Variants in TMPO observed in about 807,000 individuals in gnomAD.
TMPO encodes the protein LEM domain containing 4.
Under a neutral mutation model 45.4 loss-of-function variants are expected in TMPO, and 22 were observed. That is an observed-to-expected ratio of 0.48 (90% CI 0.35 to 0.69). TMPO has a LOEUF of 0.69. TMPO is among the 30% of genes least tolerant of loss of function. The probability of loss-of-function intolerance (pLI) is 0.01; values close to 1 mark genes in which losing one functional copy is unlikely to be tolerated. For missense variants in TMPO, 512 were observed against 548.8 expected, an observed-to-expected ratio of 0.93 and a Z score of 0.67; for synonymous variants, 241 against 204.1, an observed-to-expected ratio of 1.18 and a Z score of -1.54.
At chr12:98,527,002 C>CGAA (rs1389427087) in intron 1 of TMPO, among the ~76,000 whole-genome samples, 1 of 151,878 alleles carries the variant, frequency 6.6e-6, no homozygotes, top group East Asian at 1.9e-4. Context: ...ATATATGTAT[C>CGAA]TAAGTGTAAG....
intron 7 of TMPO, among the ~76,000 whole-genome samples, 163 bp from the exon 8 acceptor site, chr12:98,546,196 G>C (rs1878217964): frequency 1.3e-5 from 2 of 152,142 alleles, no homozygotes; most frequent in South Asian, 4.1e-4. Context: ...GAGAGCCTTG[G>C]AAGCATGTGG....
chr12:98,547,541 T>G (rs773061328), intron 8 of TMPO, 32 bp from the exon 9 acceptor site: 3 of 1,613,664 alleles, frequency 1.9e-6, no homozygotes, highest in East Asian at 2.2e-5. Context: ...TATCTAAAAT[T>G]ATTTTTCTTT....
intron 4 of TMPO, among the ~76,000 whole-genome samples, chr12:98,539,187 C>T (rs1173034389): frequency 6.6e-6 from 1 of 150,406 alleles, no homozygotes; most frequent in African/African-American, 2.4e-5. Context: ...GCAACAAGAG[C>T]GAAACTCTGT....
chr12:98,544,165 G>A, intron 4 of TMPO, 65 bp from the exon 5 acceptor site: 1 of 1,582,014 alleles, frequency 6.3e-7, no homozygotes. Context: ...CAGTGTGCCA[G>A]TATGGCCGTT....
intron 1 of TMPO, among the ~76,000 whole-genome samples, chr12:98,526,469 G>A (rs570849344): frequency 6.6e-6 from 1 of 152,278 alleles, no homozygotes; most frequent in South Asian, 2.1e-4. Context: ...CTAATACAAT[G>A]TAAGTGCTAT....
chr12:98,533,680 G>A (rs772961073), intron 3 of TMPO: 1 of 1,614,164 alleles, frequency 6.2e-7, no homozygotes, highest in South Asian at 1.1e-5. Flanking sequence ...CTTAGGTCTA[G>A]AAGTGGCTAA....
intron 4 of TMPO, among the ~76,000 whole-genome samples, chr12:98,539,709 G>A (rs1877799882): frequency 6.6e-6 from 1 of 152,074 alleles, no homozygotes; most frequent in Non-Finnish European, 1.5e-5. Flanking sequence ...CCTGACCTCA[G>A]GTGATCCACC....
chr12:98,538,643 G>C (rs550098826), intron 4 of TMPO, among the ~76,000 whole-genome samples: 5 of 152,102 alleles, frequency 3.3e-5, no homozygotes, highest in African/African-American at 1.2e-4. Flanking sequence ...GTGAGCCACC[G>C]CGCCCAGCCT....
At chr12:98,520,122 G>A (rs1392901532) in intron 1 of TMPO, among the ~76,000 whole-genome samples, 1 of 150,986 alleles carries the variant, frequency 6.6e-6, no homozygotes, top group South Asian at 2.1e-4. Context: ...ACTGCGCCCG[G>A]CTAATTTTTG....
intron 8 of TMPO, among the ~76,000 whole-genome samples, chr12:98,547,093 T>TTTTTA (rs1878268759): frequency 2.6e-5 from 4 of 151,624 alleles, no homozygotes; most frequent in South Asian, 2.1e-4. Context: ...TTTTTTTTTT[T>TTTTTA]GAGACGGAGT....
In TMPO at chr12:98,548,672, GT is replaced by G. The variant is rs1416127351; in HGVS notation, c.*818del. ...GTCATCCAGTTTGCTACCAAAATAT[GT>G]TTTAGATAAGTGTGTGTATGTTTGT... On this transcript the variant is annotated 3_prime_UTR_variant, in exon 9 of 9. Transcript: ENST00000556029. 4 of 152,194 alleles carry G rather than the reference GT, an allele frequency of 2.6e-5. No individual in the cohort carries two copies. Among genetic ancestry groups the G allele is most frequent in the South Asian group, 2.1e-4 (1 of 4,836 alleles). 9.4% of individuals were successfully genotyped at this position (152,194 alleles called of 1,614,324 possible). A position where few individuals can be genotyped will look rare whatever the true frequency, so the allele number is the denominator to read the frequency against.
chr12:98,540,031 C>T (rs563333699), intron 4 of TMPO, among the ~76,000 whole-genome samples: 2 of 152,338 alleles, frequency 1.3e-5, no homozygotes, highest in East Asian at 1.9e-4. Context: ...CAGACAGGAT[C>T]CACATATCCG....
chr12:98,525,014 C>A (rs748526605), intron 1 of TMPO, among the ~76,000 whole-genome samples: 1 of 152,094 alleles, frequency 6.6e-6, no homozygotes, highest in African/African-American at 2.4e-5. Context: ...ATAATTTGAA[C>A]CTGATTGATT....
In TMPO at chr12:98,515,663, G is replaced by A. The variant is rs1235365068; in HGVS notation, c.-205G>A. The A allele has an allele frequency of 2.8e-6, 3 of 1,070,908 alleles. No homozygotes were observed. Among genetic ancestry groups the A allele is most frequent in the African/African-American group, 3.2e-5 (2 of 62,782 alleles). 66.3% of individuals were successfully genotyped at this position (1,070,908 alleles called of 1,614,324 possible). A position where few individuals can be genotyped will look rare whatever the true frequency, so the allele number is the denominator to read the frequency against. ...GCGAGCTTCCAGCTTGGCCGCAGTT[G>A]GTTCGTAGTTCGGCTCTGGGGTCTT... On this transcript the variant is annotated 5_prime_UTR_variant, in exon 1 of 9. Transcript: ENST00000556029.
At position 98,515,978 on chromosome 12, in the gene TMPO, C is replaced by T. The variant is rs1299226116; in HGVS notation, c.111C>T (p.Tyr37=). The part of the protein sequence containing the change: ...LPAGEQRKDV[Y]VQLYLQHLTA... ...CCGGGGAGCAGCGCAAAGACGTGTACGTCCAGCTCTACCTGCAGCACCTCA... is the reference window on the plus strand; with the variant it reads ...CCGGGGAGCAGCGCAAAGACGTGTATGTCCAGCTCTACCTGCAGCACCTCA... Residue 37 remains tyrosine, a synonymous_variant, in exon 1 of 9, where the codon TAC becomes TAT. Coordinates refer to ENST00000556029, the MANE Select transcript of TMPO (RefSeq NM_001032283.3). The T allele has an allele frequency of 1.2e-6, 2 of 1,612,958 alleles. No individual in the cohort carries two copies. The highest frequency in any genetic ancestry group is 1.7e-6 in the Non-Finnish European group (2 of 1,179,836).
intron 2 of TMPO, among the ~76,000 whole-genome samples, chr12:98,528,434 G>T (rs926214949): frequency 6.6e-6 from 1 of 151,588 alleles, no homozygotes; most frequent in Non-Finnish European, 1.5e-5. Context: ...CCGCTGCCAC[G>T]CCTGGCTAAT....
chr12:98,517,111 C>A (rs1875913354), intron 1 of TMPO, among the ~76,000 whole-genome samples: 1 of 152,200 alleles, frequency 6.6e-6, no homozygotes, highest in Non-Finnish European at 1.5e-5. Flanking sequence ...GGGCCCGGCC[C>A]TGCAAACAAA....
chr12:98,537,491 C>T lies in TMPO; in HGVS notation c.582C>T (p.Leu194=). The T allele has an allele frequency of 6.2e-7, 1 of 1,613,184 alleles. No individual in the cohort carries two copies. Among genetic ancestry groups the T allele is most frequent in the Non-Finnish European group, 8.5e-7 (1 of 1,179,564 alleles). The change falls in exon 4 of 9, where the codon CTC becomes CTT. Residue 194 remains leucine, a synonymous_variant. Transcript: ENST00000556029. ...SDNEEDSKIE[L]KLEKREPLKG... is the part of the protein sequence containing the mutation. The stretch of plus-strand genomic sequence containing the variant: ...TATTTCCAGACTCTAAAATAGAGCT[C>T]AAGCTTGAGAAGAGAGAACCACTAA...
At chr12:98,523,321 A>G (rs1330811895) in intron 1 of TMPO, among the ~76,000 whole-genome samples, 1 of 152,180 alleles carries the variant, frequency 6.6e-6, no homozygotes, top group African/African-American at 2.4e-5. Flanking sequence ...TGGGAGGCCG[A>G]GGCAGGTGGA....
Sources: allele counts gnomAD v4.1 joint callset (sites outside exome capture counted in the v4.1 genomes callset), GRCh38; gene constraint gnomAD v4.1.1; transcripts MANE v1.5; gene names NCBI Gene and HGNC (gene_info 2026-07-23, HGNC 2026-07-21).